MPP7: variants seen among roughly 807,000 people sequenced by gnomAD.
MPP7 encodes MAGUK p55 subfamily member 7.
A neutral mutation model predicts 76.5 loss-of-function variants in MPP7; 60 were observed. That is an observed-to-expected ratio of 0.78 (90% CI 0.64 to 0.97). MPP7 has a LOEUF of 0.97. Among genes scored for constraint, MPP7 ranks in the 50% least tolerant of loss-of-function variants. The probability of loss-of-function intolerance (pLI) is 0.00; values close to 1 mark genes in which losing one functional copy is unlikely to be tolerated. For missense variants in MPP7, 641 were observed against 694.0 expected (o/e 0.92, Z 0.86); for synonymous variants, 237 against 244.5 (o/e 0.97, Z 0.29).
In MPP7 at chr10:28,055,631, A is replaced by G. The variant is rs142868895; in HGVS notation, c.1551+849T>C. ...AATACAAATATTATTGCTGAATAAT[A>G]TTGGTCTACTTATCCTATACCCAAA... On this transcript the variant is annotated intron_variant, in intron 16 of 16. Coordinates refer to ENST00000683449, the MANE Select transcript of MPP7 (RefSeq NM_001318170.2). Among the ~76,000 whole-genome samples the G allele has an allele frequency of 6.7e-3, 1,024 of 152,312 alleles. 3 individuals are homozygous for G. Among genetic ancestry groups the G allele is most frequent in the Non-Finnish European group, 0.011 (719 of 68,010 alleles).
intron 3 of MPP7, among the ~76,000 whole-genome samples, chr10:28,167,604 A>G (rs1362730342): frequency 6.6e-6 from 1 of 152,270 alleles, no homozygotes; most frequent in East Asian, 1.9e-4. Flanking sequence ...CTACACGCGT[A>G]CCTACTGATC....
At chr10:28,103,821 C>A (rs901107442) in intron 11 of MPP7, among the ~76,000 whole-genome samples, 1 of 151,996 alleles carries the variant, frequency 6.6e-6, no homozygotes, top group African/African-American at 2.4e-5. Context: ...GCAACCAGAG[C>A]TAAGGTGGTT....
At chr10:28,269,249 G>T (rs1235035633) in intron 1 of MPP7, among the ~76,000 whole-genome samples, 1 of 152,166 alleles carries the variant, frequency 6.6e-6, no homozygotes, top group East Asian at 1.9e-4. Context: ...TAGAAAAGGA[G>T]AACAAATTAG....
chr10:28,264,495 G>A (rs903761187), intron 1 of MPP7, among the ~76,000 whole-genome samples: 3 of 151,916 alleles, frequency 2.0e-5, no homozygotes, highest in African/African-American at 7.3e-5. Context: ...CTTTAAATTA[G>A]ACCGTCCTGG....
At chr10:28,130,415 C>T (rs1034651744) in intron 6 of MPP7, among the ~76,000 whole-genome samples, 1 of 152,124 alleles carries the variant, frequency 6.6e-6, no homozygotes, top group South Asian at 2.1e-4. Context: ...TTCATGTCAC[C>T]ACATTATGGA....
At chr10:28,072,137 G>A (rs1320499379) in intron 12 of MPP7, among the ~76,000 whole-genome samples, 2 of 152,144 alleles carry the variant, frequency 1.3e-5, no homozygotes, top group African/African-American at 2.4e-5. Flanking sequence ...AGCCAGGCAT[G>A]GTGGCAGGCA....
At chr10:28,104,494 A>G (rs935994135) in intron 11 of MPP7, among the ~76,000 whole-genome samples, 2 of 152,200 alleles carry the variant, frequency 1.3e-5, no homozygotes, top group African/African-American at 4.8e-5. Context: ...ATCTGTAGGC[A>G]TTTTTAGGAT....
At position 28,102,771 on chromosome 10, in the gene MPP7, T is replaced by C. The variant is rs188332039; in HGVS notation, c.953-12930A>G. On this transcript the variant is annotated intron_variant, in intron 11 of 16. Coordinates refer to ENST00000683449, the MANE Select transcript of MPP7 (RefSeq NM_001318170.2). ...AATATATCCAGAATGGGACATTTTC[T>C]CACCACCTCCACAGATAATATCTGC... 4.2e-4 allele frequency among the ~76,000 whole-genome samples: 64 copies of C among 152,308 alleles called. 1 individual carries two copies. In the East Asian group the frequency reaches 0.012, roughly 29 times the overall value.
chr10:28,069,431 T>C (rs1029340627), intron 13 of MPP7, among the ~76,000 whole-genome samples: 2 of 151,906 alleles, frequency 1.3e-5, no homozygotes, highest in African/African-American at 4.8e-5. Context: ...AGTGAAACCC[T>C]GTCTCTACTA....
chr10:28,317,400 G>C (rs1834334155), intron 2 of MPP7, among the ~76,000 whole-genome samples: 1 of 152,112 alleles, frequency 6.6e-6, no homozygotes, highest in African/African-American at 2.4e-5. Flanking sequence ...GTGTGGTGGT[G>C]CATGCCTGTA....
At chr10:28,230,948 G>T (rs1247086248) in intron 2 of MPP7, among the ~76,000 whole-genome samples, 1 of 152,076 alleles carries the variant, frequency 6.6e-6, no homozygotes, top group Admixed American at 6.6e-5. Context: ...AAATCAATTA[G>T]AATACAGAAT....
chr10:28,321,776 G>A, intron 2 of MPP7, among the ~76,000 whole-genome samples: 1 of 152,054 alleles, frequency 6.6e-6, no homozygotes, highest in Non-Finnish European at 1.5e-5. Flanking sequence ...AGTAGAGACA[G>A]GGTTTCACCA....
chr10:28,092,740 A>ATTTT (rs536385197), intron 11 of MPP7, among the ~76,000 whole-genome samples: 1,737 of 105,474 alleles, frequency 0.016, 99 homozygotes, highest in East Asian at 0.057. Context: ...ACCTGGCTCA[A>ATTTT]TTTTTTTTTT....
chr10:28,286,365 A>C (rs527458459), intron 1 of MPP7, among the ~76,000 whole-genome samples: 2 of 152,144 alleles, frequency 1.3e-5, no homozygotes, highest in South Asian at 4.2e-4. Context: ...TAATAATAAA[A>C]AATAAAAAAA....
At chr10:28,224,190 G>GA (rs1297780189) in intron 2 of MPP7, among the ~76,000 whole-genome samples, 2 of 151,570 alleles carry the variant, frequency 1.3e-5, no homozygotes, top group Non-Finnish European at 1.5e-5. Flanking sequence ...ATCTCAAAAA[G>GA]AAAAAATAAA....
chr10:28,063,564 C>G (rs1189174670), intron 13 of MPP7, among the ~76,000 whole-genome samples: 1 of 152,066 alleles, frequency 6.6e-6, no homozygotes, highest in African/African-American at 2.4e-5. Flanking sequence ...TGTTAGGAAC[C>G]AGGCCACACA....
chr10:28,308,003 ACTTCT>A (rs1841268577), upstream of MPP7, among the ~76,000 whole-genome samples: 1 of 151,858 alleles, frequency 6.6e-6, no homozygotes, highest in South Asian at 2.1e-4. Flanking sequence ...ATCCAACTCC[ACTTCT>A]CTTGACCTGA....
In MPP7 at chr10:28,246,555, T is replaced by C. The variant is rs1374047031; in HGVS notation, c.-131-7820A>G. On this transcript the variant is annotated intron_variant, in intron 1 of 16. Transcript: ENST00000683449. ...TATGAACAAATATAAGATACAGTAATATTGTAATGATGCATAAATCACTTT... is the reference window on the plus strand; with the variant it reads ...TATGAACAAATATAAGATACAGTAACATTGTAATGATGCATAAATCACTTT... Among the ~76,000 whole-genome samples the C allele has an allele frequency of 4.6e-5, 7 of 152,314 alleles. No individual in the cohort carries two copies. In the South Asian group the frequency reaches 1.5e-3, roughly 32 times the overall value.
At chr10:28,312,610 T>A (rs1277083028) in intron 2 of MPP7, among the ~76,000 whole-genome samples, 1 of 152,204 alleles carries the variant, frequency 6.6e-6, no homozygotes, top group Non-Finnish European at 1.5e-5. Context: ...CGTGAACACT[T>A]TGTAACACGT....
Sources: allele counts gnomAD v4.1 joint callset (sites outside exome capture counted in the v4.1 genomes callset), GRCh38; gene constraint gnomAD v4.1.1; transcripts MANE v1.5; gene names NCBI Gene and HGNC (gene_info 2026-07-23, HGNC 2026-07-21).